Variants in OSBPL8 observed in about 807,000 individuals in gnomAD.
OSBPL8 encodes the protein oxysterol binding protein like 8, also known as oxysterol-binding protein-related protein 8.
In OSBPL8, 59 loss-of-function variants were observed where a neutral mutation model predicts 125.5. The ratio of observed to expected loss-of-function variants is 0.47; its 90% CI spans 0.38 to 0.58. The LOEUF (loss-of-function observed/expected upper bound fraction) is 0.58. OSBPL8 is among the 20% of genes least tolerant of loss of function. The pLI, the probability that OSBPL8 is intolerant of heterozygous loss-of-function variation, is 0.00. For synonymous variants in OSBPL8, 330 were observed against 338.9 expected, an observed-to-expected ratio of 0.97 and a Z score of 0.29; for missense variants, 758 against 1,047.8, an observed-to-expected ratio of 0.72 and a Z score of 3.82.
rs765898662 is a variant in OSBPL8 at position 76,402,784 on chromosome 12, CAA to C, written c.289-20_289-19del. 7 of 1,503,528 alleles carry C rather than the reference CAA, an allele frequency of 4.7e-6. No individual in the cohort carries two copies. The highest frequency in any genetic ancestry group is 3.6e-5 in the Admixed American group (2 of 55,532). 93.1% of individuals were successfully genotyped at this position (1,503,528 alleles called of 1,614,324 possible). A position where few individuals can be genotyped will look rare whatever the true frequency, so the allele number is the denominator to read the frequency against. ...GATTCAGACTGAAATCATACAGAAA[CAA>C]GAGAAATTAAATCCTTCAGATTTTC... On this transcript the variant is annotated intron_variant, in intron 5 of 23. Coordinates refer to ENST00000261183, the MANE Select transcript of OSBPL8 (RefSeq NM_020841.5).
At position 76,402,752 on chromosome 12, in the gene OSBPL8, A is replaced by G. The variant is rs750612243; in HGVS notation, c.303T>C (p.Leu101=). 6.2e-7 allele frequency: 1 copy of G among 1,601,398 alleles called. No individual in the cohort carries two copies. The highest frequency in any genetic ancestry group is 8.6e-7 in the Non-Finnish European group (1 of 1,169,508). The change falls in exon 6 of 24, where the codon CTT becomes CTC. Residue 101 remains leucine (L), a synonymous_variant. Coordinates refer to ENST00000261183, the MANE Select transcript of OSBPL8 (RefSeq NM_020841.5). ...SMSKSKSESK[L]YNGSEKDSST... ...AACTGTCCTTCTCTGAGCCATTATAAAGTTTAGATTCAGACTGAAATCATA... is the reference window on the plus strand; with the variant it reads ...AACTGTCCTTCTCTGAGCCATTATAGAGTTTAGATTCAGACTGAAATCATA...
At chr12:76,543,582 G>C (rs1486270846) in intron 1 of OSBPL8, among the ~76,000 whole-genome samples, 1 of 151,994 alleles carries the variant, frequency 6.6e-6, no homozygotes, top group Non-Finnish European at 1.5e-5. Flanking sequence ...ACCAAGTATA[G>C]CACTGATATC....
chr12:76,441,939 T>C (rs1038346075), intron 4 of OSBPL8, among the ~76,000 whole-genome samples: 3 of 152,184 alleles, frequency 2.0e-5, no homozygotes, highest in Non-Finnish European at 4.4e-5. Flanking sequence ...TAAAACAGTA[T>C]AATTGATTGT....
Position 76,420,535 on chromosome 12 carries a change from C to T in OSBPL8, c.218-9901G>A, listed in dbSNP as rs542391512. On this transcript the variant is annotated intron_variant, in intron 4 of 23. Coordinates refer to ENST00000261183, the MANE Select transcript of OSBPL8 (RefSeq NM_020841.5). ...ATCATAAAGAAAAAGGTTATGCTGA[C>T]GTATTTATTAAGGCAGAAGTGGCTA... Among the ~76,000 whole-genome samples the T allele has an allele frequency of 5.3e-3, 805 of 151,754 alleles. 7 individuals are homozygous for T. Among genetic ancestry groups the T allele is most frequent in the African/African-American group, 0.019 (774 of 41,408 alleles).
rs952131114 is a variant in OSBPL8, at chr12:76,392,119, T to C, written c.929+462A>G. Among the ~76,000 whole-genome samples the C allele has an allele frequency of 1.3e-4, 18 of 143,112 alleles. No homozygotes were observed. The South Asian group carries it at 4.2e-3, about 33-fold the overall frequency. 93.9% of individuals were successfully genotyped at this position (143,112 alleles called of 152,430 possible). Reference sequence around the variant, plus strand: ...TACAGTTCCATTCCAAACAGAAATATAAATGAATTTCACAAATACCAGGTA... The same window carrying C: ...TACAGTTCCATTCCAAACAGAAATACAAATGAATTTCACAAATACCAGGTA... On this transcript the variant is annotated intron_variant, in intron 10 of 23. Coordinates refer to ENST00000261183, the MANE Select transcript of OSBPL8 (RefSeq NM_020841.5).
intron 4 of OSBPL8, among the ~76,000 whole-genome samples, chr12:76,447,794 G>A (rs1315245701): frequency 6.6e-6 from 1 of 152,088 alleles, no homozygotes; most frequent in Non-Finnish European, 1.5e-5. Flanking sequence ...TAATCCACCC[G>A]CCTTGGCCTC....
chr12:76,457,418 T>C (rs1178389562), intron 3 of OSBPL8, among the ~76,000 whole-genome samples: 1 of 152,230 alleles, frequency 6.6e-6, no homozygotes, highest in Non-Finnish European at 1.5e-5. Flanking sequence ...CCTACATATA[T>C]TTTATGCATT....
chr12:76,477,557 A>C (rs1356070394), intron 2 of OSBPL8, among the ~76,000 whole-genome samples: 1 of 152,216 alleles, frequency 6.6e-6, no homozygotes, highest in African/African-American at 2.4e-5. Context: ...AAAACAAAGA[A>C]AGTCTGACAC....
At chr12:76,391,114 A>C (rs1592587484) in intron 10 of OSBPL8, among the ~76,000 whole-genome samples, 1 of 151,302 alleles carries the variant, frequency 6.6e-6, no homozygotes, top group South Asian at 2.1e-4. Flanking sequence ...TTCCACCTGT[A>C]TAAGAAGGTT....
At chr12:76,482,913 G>C (rs1350072113) in intron 2 of OSBPL8, among the ~76,000 whole-genome samples, 1 of 152,076 alleles carries the variant, frequency 6.6e-6, no homozygotes, top group African/African-American at 2.4e-5. Context: ...AGCACTACCA[G>C]AAAAATAGAA....
intron 1 of OSBPL8, among the ~76,000 whole-genome samples, chr12:76,501,548 GA>G (rs1391456250): frequency 1.3e-5 from 2 of 152,210 alleles, no homozygotes; most frequent in Non-Finnish European, 2.9e-5. Flanking sequence ...AATGATCAAG[GA>G]AATAGGAGAG....
At chr12:76,390,297 T>G (rs1304443711) in intron 11 of OSBPL8, 123 bp downstream of exon 11, 2 of 723,078 alleles carry the variant, frequency 2.8e-6, no homozygotes, top group African/African-American at 1.8e-5. Flanking sequence ...TATGCAATTT[T>G]TAAAATATCA....
chr12:76,518,252 C>T (rs1292655051), intron 1 of OSBPL8, among the ~76,000 whole-genome samples: 1 of 152,208 alleles, frequency 6.6e-6, no homozygotes, highest in African/African-American at 2.4e-5. Context: ...ACAAGCAAGT[C>T]CAAAACCCAG....
chr12:76,553,991 A>AAC (rs1165619549), intron 1 of OSBPL8, among the ~76,000 whole-genome samples: 2 of 151,090 alleles, frequency 1.3e-5, no homozygotes, highest in Non-Finnish European at 3.0e-5. Flanking sequence ...AAAAAAAAAA[A>AAC]AAAACACTAA....
intron 5 of OSBPL8, among the ~76,000 whole-genome samples, chr12:76,403,167 T>A (rs980384207): frequency 6.6e-6 from 1 of 152,198 alleles, no homozygotes; most frequent in Non-Finnish European, 1.5e-5. Flanking sequence ...GATGCACATA[T>A]TGCCCTGCTT....
chr12:76,470,478 G>GAA (rs1876000691), intron 2 of OSBPL8, among the ~76,000 whole-genome samples: 1 of 152,050 alleles, frequency 6.6e-6, no homozygotes, highest in African/African-American at 2.4e-5. Flanking sequence ...CTTACGACCT[G>GAA]TTTCACGCAT....
intron 4 of OSBPL8, among the ~76,000 whole-genome samples, chr12:76,422,175 A>T (rs371872827): frequency 6.6e-6 from 1 of 152,152 alleles, no homozygotes; most frequent in Non-Finnish European, 1.5e-5. Context: ...CCCTCAGAGC[A>T]ATGTGTTTAT....
chr12:76,516,528 G>T (rs1881547635), intron 1 of OSBPL8, among the ~76,000 whole-genome samples: 1 of 152,102 alleles, frequency 6.6e-6, no homozygotes, highest in South Asian at 2.1e-4. Context: ...CTAGAAGGGT[G>T]GAGGAAAACT....
intron 1 of OSBPL8, among the ~76,000 whole-genome samples, chr12:76,507,290 A>C (rs1433009063): frequency 1.3e-5 from 2 of 151,766 alleles, no homozygotes; most frequent in South Asian, 2.1e-4. Context: ...TATTTCAGTC[A>C]CAGGGAAAAG....
Sources: allele counts gnomAD v4.1 joint callset (sites outside exome capture counted in the v4.1 genomes callset), GRCh38; gene constraint gnomAD v4.1.1; transcripts MANE v1.5; gene names NCBI Gene and HGNC (gene_info 2026-07-23, HGNC 2026-07-21).